The following MACROD2 variants were observed in gnomAD, a reference collection of about 807,000 sequenced individuals.
MACROD2 encodes the protein mono-ADP ribosylhydrolase 2.
MACROD2 carries 36 observed loss-of-function variants against 70.4 expected under a neutral mutation model. The ratio of observed to expected loss-of-function variants is 0.51; its 90% confidence interval spans 0.39 to 0.68. MACROD2 has a LOEUF of 0.68. MACROD2 is among the 30% of genes least tolerant of loss of function. MACROD2 has a pLI of 0.00. For synonymous variants in MACROD2, 172 were observed against 178.8 expected (o/e 0.96, Z 0.30); for missense variants, 496 against 538.4 (o/e 0.92, Z 0.78).
chr20:15,707,236 C>T (rs966624962), intron 8 of MACROD2, among the ~76,000 whole-genome samples: 6 of 152,096 alleles, frequency 3.9e-5, no homozygotes, highest in African/African-American at 4.8e-5. Context: ...CAAAGTCTTC[C>T]CCAGAGATCA....
chr20:14,916,840 G>A lies in MACROD2; in HGVS notation c.418+231881G>A, dbSNP rs376632803. Among the ~76,000 whole-genome samples, 92 of 152,098 alleles carry A rather than the reference G, an allele frequency of 6.0e-4. No homozygotes were observed. The East Asian group carries it at 0.011, about 18-fold the overall frequency. On this transcript the variant is annotated intron_variant, in intron 5 of 17. Coordinates refer to ENST00000684519, the MANE Select transcript of MACROD2 (RefSeq NM_001351661.2). ...GTTAAATTCCAGATGTAGGCACATG[G>A]CCATACTGAACCTCAGCGGAGAATG...
chr20:15,590,437 A>T (rs77231373), intron 8 of MACROD2, among the ~76,000 whole-genome samples: 4,054 of 152,294 alleles, frequency 0.027, 146 homozygotes, highest in African/African-American at 0.08. Flanking sequence ...ATTTCTATAC[A>T]TGGAGCTTCT....
chr20:14,171,111 G>A (rs976870789), intron 3 of MACROD2, among the ~76,000 whole-genome samples: 19 of 151,886 alleles, frequency 1.3e-4, no homozygotes, highest in African/African-American at 4.1e-4. Flanking sequence ...TCTTTTCTAG[G>A]TTTTCTAGTT....
At chr20:14,618,716 T>G (rs1983627962) in intron 4 of MACROD2, among the ~76,000 whole-genome samples, 1 of 152,144 alleles carries the variant, frequency 6.6e-6, no homozygotes, top group African/African-American at 2.4e-5. Flanking sequence ...AGTCCCAGAT[T>G]TCTGCAACCA....
chr20:15,089,532 A>G (rs1337451994), intron 5 of MACROD2, among the ~76,000 whole-genome samples: 3 of 152,112 alleles, frequency 2.0e-5, no homozygotes, highest in Non-Finnish European at 4.4e-5. Flanking sequence ...TCTGATTTTA[A>G]TTCTTGGAAT....
intron 5 of MACROD2, among the ~76,000 whole-genome samples, chr20:15,121,336 A>G (rs2076028550): frequency 6.6e-6 from 1 of 151,830 alleles, no homozygotes; most frequent in African/African-American, 2.4e-5. Context: ...ACACGGTGAA[A>G]CCCTGTCGCT....
At chr20:14,835,099 G>A (rs2073014556) in intron 5 of MACROD2, among the ~76,000 whole-genome samples, 1 of 152,028 alleles carries the variant, frequency 6.6e-6, no homozygotes, top group African/African-American at 2.4e-5. Flanking sequence ...TTGCTGATGT[G>A]TGCATGTAAA....
At chr20:14,574,375 CCATTCATT>C (rs3044717) in intron 4 of MACROD2, among the ~76,000 whole-genome samples, 35 of 152,144 alleles carry the variant, frequency 2.3e-4, no homozygotes, top group East Asian at 1.5e-3. Flanking sequence ...ATTTACCCTG[CCATTCATT>C]CATTCATTCA....
At chr20:14,627,270 C>CAA (rs940081205) in intron 4 of MACROD2, among the ~76,000 whole-genome samples, 1 of 152,178 alleles carries the variant, frequency 6.6e-6, no homozygotes, top group African/African-American at 2.4e-5. Context: ...AAAACTAATT[C>CAA]TCTCAATGGG....
intron 5 of MACROD2, among the ~76,000 whole-genome samples, chr20:15,151,923 A>G (rs940152210): frequency 1.3e-5 from 2 of 151,742 alleles, no homozygotes; most frequent in Non-Finnish European, 2.9e-5. Context: ...GAGGGGTCAG[A>G]TGGGTCTGTA....
chr20:14,516,660 T>C (rs1390031714), intron 4 of MACROD2, among the ~76,000 whole-genome samples: 1 of 152,154 alleles, frequency 6.6e-6, no homozygotes, highest in Admixed American at 6.6e-5. Context: ...CATTGGTCTA[T>C]ATATCTGTTT....
At chr20:14,788,203 A>G (rs1374784574) in intron 5 of MACROD2, among the ~76,000 whole-genome samples, 2 of 152,118 alleles carry the variant, frequency 1.3e-5, no homozygotes, top group Non-Finnish European at 2.9e-5. Context: ...GAGTTGGTAG[A>G]TGGATGAGCA....
Position 14,197,830 on chromosome 20 carries a change from A to C in MACROD2, c.271+112102A>C, listed in dbSNP as rs2081445598. ...GAGAAGTAGGAAGTAGATGTGTTTA[A>C]AGCTAAACAACCTTTTAAAAACATC... On this transcript the variant is annotated intron_variant, in intron 3 of 17. Coordinates refer to ENST00000684519, the MANE Select transcript of MACROD2 (RefSeq NM_001351661.2). Among the ~76,000 whole-genome samples, 3 of 152,332 alleles carry C rather than the reference A, an allele frequency of 2.0e-5. No homozygotes were observed. In the South Asian group the frequency reaches 6.2e-4, roughly 32 times the overall value.
chr20:14,685,839 A>G (rs1006709424), intron 5 of MACROD2, among the ~76,000 whole-genome samples: 1 of 152,306 alleles, frequency 6.6e-6, no homozygotes, highest in Non-Finnish European at 1.5e-5. Context: ...TTGTTTTAGC[A>G]GTGGAGAAAA....
rs182715629 is a variant in MACROD2 at position 15,547,452 on chromosome 20, C to T, written c.645+47605C>T. ...ATGATGACAAGTTCTATTCCATGTT[C>T]TTGATGAGGGATCATGTCTCTAAGC... On this transcript the variant is annotated intron_variant, in intron 8 of 17. Coordinates refer to ENST00000684519, the MANE Select transcript of MACROD2 (RefSeq NM_001351661.2). Among the ~76,000 whole-genome samples the T allele has an allele frequency of 3.9e-5, 6 of 152,256 alleles. No homozygotes were observed. The East Asian group carries it at 1.2e-3, about 29-fold the overall frequency.
intron 5 of MACROD2, among the ~76,000 whole-genome samples, chr20:15,211,088 T>G (rs779684800): frequency 6.6e-6 from 1 of 152,206 alleles, no homozygotes; most frequent in Non-Finnish European, 1.5e-5. Flanking sequence ...TACCCATTAG[T>G]AGTCAGTGTT....
chr20:14,653,519 CA>C (rs1985803317), intron 4 of MACROD2, among the ~76,000 whole-genome samples: 1 of 137,810 alleles, frequency 7.3e-6, no homozygotes, highest in South Asian at 2.4e-4. Context: ...AGCCCGGCTG[CA>C]ATTTTTTTTT....
chr20:16,026,855 G>C, intron 15 of MACROD2, among the ~76,000 whole-genome samples: 1 of 152,272 alleles, frequency 6.6e-6, no homozygotes, highest in South Asian at 2.1e-4. Context: ...CTCACAGGTA[G>C]CTTTGACTTC....
At chr20:14,968,601 T>C (rs1017942703) in intron 5 of MACROD2, among the ~76,000 whole-genome samples, 41 of 152,214 alleles carry the variant, frequency 2.7e-4, no homozygotes, top group African/African-American at 9.7e-4. Flanking sequence ...AACTTCAGCA[T>C]GCATTAGAAT....
Sources: allele counts gnomAD v4.1 joint callset (sites outside exome capture counted in the v4.1 genomes callset), GRCh38; gene constraint gnomAD v4.1.1; transcripts MANE v1.5; gene names NCBI Gene and HGNC (gene_info 2026-07-23, HGNC 2026-07-21).